LHX4: variants seen among roughly 807,000 people sequenced by gnomAD.
LHX4 encodes the protein LIM homeobox 4.
LHX4 carries 16 observed loss-of-function variants against 39.2 expected under a neutral mutation model. The observed-to-expected ratio is 0.41, with a 90% CI of 0.28 to 0.62. The LOEUF is 0.62. LHX4 is among the 20% of genes least tolerant of loss of function. The pLI is 0.33. For missense variants in LHX4, 439 were observed against 511.9 expected, an observed-to-expected ratio of 0.86 and a Z score of 1.37; for synonymous variants, 206 against 198.1, an observed-to-expected ratio of 1.04 and a Z score of -0.33.
chr1:180,266,114 C>T lies in LHX4; in HGVS notation c.249-278C>T, dbSNP rs180741082. Among the ~76,000 whole-genome samples the T allele has an allele frequency of 5.3e-5, 8 of 152,268 alleles. No individual in the cohort carries two copies. The highest frequency in any genetic ancestry group is 1.9e-4 in the East Asian group (1 of 5,174). ...CCCCTGTGAATTGATGGGTGTTAAT[C>T]GGGCAGCTGGAATCCGGGGGCATCA... On this transcript the variant is annotated intron_variant, in intron 2 of 5. Coordinates refer to ENST00000263726, the MANE Select transcript of LHX4 (RefSeq NM_033343.4). This position sits in a 1 kb window ranked among gnomAD's most constrained non-coding sequence, Gnocchi z 5.7.
In LHX4 at chr1:180,234,205, ATATATATATATAT is replaced by A. The variant is rs1450658321; in HGVS notation, c.76+3601_76+3613del. Among the ~76,000 whole-genome samples, 2 of 69,856 alleles carry A rather than the reference ATATATATATATAT, an allele frequency of 2.9e-5. No homozygotes were observed. The highest frequency in any genetic ancestry group is 1.3e-4 in the African/African-American group (2 of 15,378). 45.8% of individuals were successfully genotyped at this position (69,856 alleles called of 152,430 possible). ...TATATATATATATATATATATATAT[ATATATATATATAT>A]ATAATAGATTGAGATTCTATCATAT... On this transcript the variant is annotated intron_variant, in intron 1 of 5. Transcript: ENST00000263726. The surrounding 1 kb of genome is among the most constrained non-coding windows in gnomAD (Gnocchi z 4.8).
chr1:180,267,344 G>A (rs1156551152), intron 3 of LHX4, among the ~76,000 whole-genome samples: 42 of 152,268 alleles, frequency 2.8e-4, no homozygotes, highest in Admixed American at 2.7e-3. Context: ...GCATTTAGCA[G>A]CCACGCCTGG....
At chr1:180,238,122 T>G (rs1371575701) in intron 1 of LHX4, among the ~76,000 whole-genome samples, 2 of 152,254 alleles carry the variant, frequency 1.3e-5, no homozygotes, top group South Asian at 4.1e-4. Context: ...CGACTCCTTA[T>G]GTTAAAATAT....
intron 2 of LHX4, chr1:180,248,716 G>A: frequency 1.9e-6 from 1 of 529,550 alleles, no homozygotes; most frequent in Non-Finnish European, 3.4e-6. Flanking sequence ...CCTTGGGCTA[G>A]ATTTCTCCAG....
At chr1:180,242,227 G>A (rs544483598) in intron 1 of LHX4, among the ~76,000 whole-genome samples, 6 of 152,050 alleles carry the variant, frequency 3.9e-5, no homozygotes, top group African/African-American at 1.4e-4. Context: ...GAGTGGCAAT[G>A]CCTCATCCCA....
intron 1 of LHX4, 119 bp from the exon 2 acceptor site, chr1:180,248,166 C>A (rs973752661): frequency 3.4e-6 from 3 of 876,576 alleles, no homozygotes; most frequent in Non-Finnish European, 5.6e-6. Context: ...AACAGCTCTG[C>A]GGTTTGGGCC....
At chr1:180,269,311 C>T (rs6701525) in intron 3 of LHX4, among the ~76,000 whole-genome samples, 1,740 of 152,258 alleles carry the variant, frequency 0.011, 53 homozygotes, top group African/African-American at 0.039. Flanking sequence ...TTCCTCATAG[C>T]GTTTTGTCAC....
chr1:180,263,722 G>C (rs1571280241), intron 2 of LHX4, among the ~76,000 whole-genome samples: 1 of 152,146 alleles, frequency 6.6e-6, no homozygotes, highest in South Asian at 2.1e-4. Flanking sequence ...TTATACCCCC[G>C]TTATCTTTCA....
At chr1:180,238,455 AT>A (rs1323061059) in intron 1 of LHX4, among the ~76,000 whole-genome samples, 1 of 152,228 alleles carries the variant, frequency 6.6e-6, no homozygotes, top group East Asian at 1.9e-4. Flanking sequence ...ACACTGATGC[AT>A]TTTAAAACAT....
rs777438399 is a variant in LHX4, at chr1:180,234,169, TTATATATATATATATATA to T, written c.76+3599_76+3616del. The stretch of plus-strand genomic sequence containing the variant: ...AACAGACACACACAACACACACAAA[TTATATATATATATATATA>T]TATATATATATATATATATATATAT... On this transcript the variant is annotated intron_variant, in intron 1 of 5. Transcript: ENST00000263726. The surrounding 1 kb of genome is among the most constrained non-coding windows in gnomAD (Gnocchi z 4.8). 0.029 allele frequency among the ~76,000 whole-genome samples: 1,551 copies of T among 53,564 alleles called. 37 individuals carry two copies. Among genetic ancestry groups the T allele is most frequent in the South Asian group, 0.038 (56 of 1,474 alleles). The allele number at this position is 53,564 out of a possible 152,430, so 35.1% of individuals were successfully genotyped here.
At position 180,256,011 on chromosome 1, in the gene LHX4, C is replaced by T. The variant is rs141767742; in HGVS notation, c.248+7555C>T. On this transcript the variant is annotated intron_variant, in intron 2 of 5. Transcript: ENST00000263726. The stretch of plus-strand genomic sequence containing the variant: ...ACAGCACAGCAGCCAGCGGCACCTG[C>T]CTTCCCTCCGTTGCTGAAGATCGGT... Among the ~76,000 whole-genome samples the T allele has an allele frequency of 2.4e-3, 365 of 152,356 alleles. 3 individuals are homozygous for T. Among genetic ancestry groups the T allele is most frequent in the Non-Finnish European group, 4.9e-3 (333 of 68,036 alleles).
Position 180,276,424 on chromosome 1 carries a change from C to T in LHX4, c.*1845C>T, listed in dbSNP as rs954076556. The T allele has an allele frequency of 6.6e-5, 10 of 152,178 alleles. No homozygotes were observed. The highest frequency in any genetic ancestry group is 5.9e-4 in the Admixed American group (9 of 15,274). The allele number at this position is 152,178 out of a possible 1,614,324, so 9.4% of individuals were successfully genotyped here. Reference sequence around the variant, plus strand: ...TCTGACCAATTTTATAGCGTACCCTCGTTTTTTGGTGTGCTGCAGTGGTCA... The same window carrying T: ...TCTGACCAATTTTATAGCGTACCCTTGTTTTTTGGTGTGCTGCAGTGGTCA... On this transcript the variant is annotated 3_prime_UTR_variant, in exon 6 of 6. Coordinates refer to ENST00000263726, the MANE Select transcript of LHX4 (RefSeq NM_033343.4).
rs1330571650 is a variant in LHX4, at chr1:180,232,202, G to A, written c.76+1597G>A. 6.6e-6 allele frequency among the ~76,000 whole-genome samples: 1 copy of A among 152,194 alleles called. No individual in the cohort carries two copies. Among genetic ancestry groups the A allele is most frequent in the Non-Finnish European group, 1.5e-5 (1 of 68,042 alleles). On this transcript the variant is annotated intron_variant, in intron 1 of 5. Transcript: ENST00000263726. The surrounding 1 kb of genome is among the most constrained non-coding windows in gnomAD (Gnocchi z 5.4). ...CTCTGCGCGAGTGAGGAGACTGCAT[G>A]AGTGGGGGAAGGGTGTGTGTGTGTT...
intron 1 of LHX4, among the ~76,000 whole-genome samples, chr1:180,238,655 C>G (rs1478826098): frequency 6.6e-6 from 1 of 152,040 alleles, no homozygotes; most frequent in Non-Finnish European, 1.5e-5. Flanking sequence ...TGTGCTTTAG[C>G]TGTGTTATGT....
chr1:180,268,441 T>C (rs1159741912), intron 3 of LHX4, among the ~76,000 whole-genome samples: 1 of 152,134 alleles, frequency 6.6e-6, no homozygotes, highest in Non-Finnish European at 1.5e-5. Flanking sequence ...CGAGGAATAT[T>C]TGCACCACAG....
In LHX4 at chr1:180,275,987, C is replaced by A. The variant is rs553523962; in HGVS notation, c.*1408C>A. The A allele has an allele frequency of 1.3e-5, 2 of 152,366 alleles. No homozygotes were observed. The highest frequency in any genetic ancestry group is 4.1e-4 in the South Asian group (2 of 4,830). 9.4% of individuals were successfully genotyped at this position (152,366 alleles called of 1,614,324 possible). A position where few individuals can be genotyped will look rare whatever the true frequency, so the allele number is the denominator to read the frequency against. On this transcript the variant is annotated 3_prime_UTR_variant, in exon 6 of 6. Transcript: ENST00000263726. ...GTGGGAAACGCTGTCCTGAATGGTG[C>A]TGCAGCTCCCACCCACCTTGTGCAC...
At chr1:180,247,198 G>A (rs753539690) in intron 1 of LHX4, among the ~76,000 whole-genome samples, 11 of 152,136 alleles carry the variant, frequency 7.2e-5, no homozygotes, top group Non-Finnish European at 1.5e-4. Context: ...TATCAAATTC[G>A]CAAGCAATCC....
At chr1:180,265,775 T>A (rs357048) in intron 2 of LHX4, among the ~76,000 whole-genome samples, 1 of 152,206 alleles carries the variant, frequency 6.6e-6, no homozygotes, top group Non-Finnish European at 1.5e-5. Flanking sequence ...GGGATGGAGG[T>A]AGGCTTGGAG....
At chr1:180,259,501 A>G (rs1156886392) in intron 2 of LHX4, among the ~76,000 whole-genome samples, 5 of 151,736 alleles carry the variant, frequency 3.3e-5, no homozygotes, top group Non-Finnish European at 7.4e-5. Flanking sequence ...AGTGGAAGGC[A>G]CAGTGGGAGG....
Sources: allele counts gnomAD v4.1 joint callset (sites outside exome capture counted in the v4.1 genomes callset), GRCh38; gene constraint gnomAD v4.1.1; non-coding constraint Gnocchi (gnomAD v3.1); transcripts MANE v1.5; gene names NCBI Gene and HGNC (gene_info 2026-07-23, HGNC 2026-07-21).